CHL1: variants seen among roughly 807,000 people sequenced by gnomAD.
CHL1 encodes the protein neural cell adhesion molecule L1-like protein.
In CHL1, 96 loss-of-function variants were observed where a neutral mutation model predicts 141.9. That is an observed-to-expected ratio of 0.68 (90% CI 0.57 to 0.80). The LOEUF is 0.80. Ranked by LOEUF, CHL1 falls within the 30% of genes least tolerant of loss-of-function variation. The pLI is 0.00. For synonymous variants in CHL1, 613 were observed against 502.2 expected (o/e 1.22, Z -2.95); for missense variants, 1,820 against 1,457.2 (o/e 1.25, Z -4.05).
chr3:394,006 C>A (rs1164479474), intron 23 of CHL1, among the ~76,000 whole-genome samples: 1 of 152,122 alleles, frequency 6.6e-6, no homozygotes, highest in East Asian at 1.9e-4. Context: ...TGTATTTCAT[C>A]TCTTGGACTA....
chr3:393,100 G>A lies in CHL1; in HGVS notation c.2914+1303G>A, dbSNP rs1032417019. 3.3e-5 allele frequency among the ~76,000 whole-genome samples: 5 copies of A among 152,098 alleles called. No individual in the cohort carries two copies. The South Asian group carries it at 6.2e-4, about 19-fold the overall frequency. On this transcript the variant is annotated intron_variant, in intron 23 of 27. Transcript: ENST00000256509. ...TACAAAAAATTATCCAGGCGTGGTGGTGGGCCCCTGTAGTCCCAGCTACTC... is the reference window on the plus strand; with the variant it reads ...TACAAAAAATTATCCAGGCGTGGTGATGGGCCCCTGTAGTCCCAGCTACTC...
At chr3:238,043 A>G (rs945168531) in intron 1 of CHL1, among the ~76,000 whole-genome samples, 1 of 152,198 alleles carries the variant, frequency 6.6e-6, no homozygotes, top group Non-Finnish European at 1.5e-5. Flanking sequence ...ACATCATTTT[A>G]TGTTAGACAT....
chr3:314,584 C>G (rs1220095195), intron 2 of CHL1, among the ~76,000 whole-genome samples: 1 of 151,724 alleles, frequency 6.6e-6, no homozygotes, highest in Non-Finnish European at 1.5e-5. Flanking sequence ...CTGTGTTCAG[C>G]TGACAGGTTA....
chr3:368,997 C>A (rs555370263), intron 15 of CHL1, among the ~76,000 whole-genome samples: 1 of 152,286 alleles, frequency 6.6e-6, no homozygotes, highest in African/African-American at 2.4e-5. Context: ...GTTACTGTCG[C>A]CTTGTAGTGT....
intron 11 of CHL1, among the ~76,000 whole-genome samples, chr3:357,211 C>T (rs756991736): frequency 6.6e-6 from 1 of 152,220 alleles, no homozygotes; most frequent in Non-Finnish European, 1.5e-5. Flanking sequence ...GGCCCTGGCT[C>T]TACTTGTTGC....
Position 401,614 on chromosome 3 carries a change from T to C in CHL1, c.3386-12T>C, listed in dbSNP as rs764999781. On this transcript the variant is annotated splice_polypyrimidine_tract_variant and intron_variant, in intron 26 of 27. Transcript: ENST00000256509. ...ACTGTATTACTTTTCCCACTTTTTT[T>C]CTCTTTTTTAGTTAAAGAAAAGGAA... The C allele has an allele frequency of 6.5e-7, 1 of 1,529,250 alleles. No homozygotes were observed. The highest frequency in any genetic ancestry group is 1.8e-5 in the Admixed American group (1 of 56,694). The allele number at this position is 1,529,250 out of a possible 1,614,324, so 94.7% of individuals were successfully genotyped here.
chr3:369,349 C>G (rs983392109), intron 15 of CHL1, among the ~76,000 whole-genome samples: 5 of 151,496 alleles, frequency 3.3e-5, no homozygotes, highest in Non-Finnish European at 7.4e-5. Flanking sequence ...GTATTTGATT[C>G]TCTTTGTAGC....
rs371139008 is a variant in CHL1, at chr3:295,985, T to C, written c.-94-23698T>C. On this transcript the variant is annotated intron_variant, in intron 2 of 27. Transcript: ENST00000256509. ...TCTTCCTGAGGAAATTTGGGAACTA[T>C]AGTACAACTCCCTCTCAAAAAAAAA... Among the ~76,000 whole-genome samples, 16 of 152,068 alleles carry C rather than the reference T, an allele frequency of 1.1e-4. No individual in the cohort carries two copies. The East Asian group carries it at 2.9e-3, about 28-fold the overall frequency.
Position 382,634 on chromosome 3 carries a change from T to C in CHL1, c.2139T>C (p.Pro713=), listed in dbSNP as rs775847032. The change falls in exon 18 of 28, where the codon CCT becomes CCC. Residue 713 remains proline (P), a synonymous_variant. Coordinates refer to ENST00000256509, the MANE Select transcript of CHL1 (RefSeq NM_006614.4). The part of the protein sequence containing the change: ...IAVNEVGRSQ[P]SQPSDHHETP... Reference sequence around the variant, plus strand: ...TGAACGAAGTAGGGAGAAGTCAGCCTAGCCAGCCGTCAGACCATCATGAAA... The same window carrying C: ...TGAACGAAGTAGGGAGAAGTCAGCCCAGCCAGCCGTCAGACCATCATGAAA... 10 of 1,613,724 alleles carry C rather than the reference T, an allele frequency of 6.2e-6. No individual in the cohort carries two copies. Among genetic ancestry groups the C allele is most frequent in the Non-Finnish European group, 7.6e-6 (9 of 1,179,804 alleles).
intron 1 of CHL1, among the ~76,000 whole-genome samples, chr3:205,377 G>A (rs1428262467): frequency 6.6e-6 from 1 of 152,092 alleles, no homozygotes; most frequent in African/African-American, 2.4e-5. Context: ...CCCTCTCAAA[G>A]TACTGGGATT....
intron 5 of CHL1, among the ~76,000 whole-genome samples, chr3:330,774 T>G (rs1701376145): frequency 6.6e-6 from 1 of 152,154 alleles, no homozygotes; most frequent in South Asian, 2.1e-4. Flanking sequence ...CAGTAGAAAT[T>G]ATTAAAGAAT....
At chr3:290,868 A>C (rs1202133154) in intron 2 of CHL1, among the ~76,000 whole-genome samples, 10 of 151,456 alleles carry the variant, frequency 6.6e-5, no homozygotes, top group South Asian at 2.1e-4. Flanking sequence ...CCCGGGAGAC[A>C]GAGGTTGTGG....
At chr3:397,612 T>G (rs936815811) in intron 24 of CHL1, among the ~76,000 whole-genome samples, 1 of 152,146 alleles carries the variant, frequency 6.6e-6, no homozygotes, top group African/African-American at 2.4e-5. Context: ...TACTATGAGA[T>G]TCTACTATTA....
At chr3:270,366 T>G (rs1157689414) in intron 2 of CHL1, among the ~76,000 whole-genome samples, 1 of 152,170 alleles carries the variant, frequency 6.6e-6, no homozygotes, top group Non-Finnish European at 1.5e-5. Flanking sequence ...TTTCCTGAAT[T>G]TAAACCCTGG....
intron 10 of CHL1, among the ~76,000 whole-genome samples, chr3:350,609 G>GAAAA (rs5845965): frequency 1.3e-5 from 2 of 148,180 alleles, no homozygotes; most frequent in Non-Finnish European, 1.5e-5. Flanking sequence ...TAAATTAATG[G>GAAAA]AAAAAAAAAA....
At chr3:308,349 T>G (rs1467932583) in intron 2 of CHL1, among the ~76,000 whole-genome samples, 1 of 152,054 alleles carries the variant, frequency 6.6e-6, no homozygotes, top group Non-Finnish European at 1.5e-5. Flanking sequence ...AAATGTACAG[T>G]CTCCTACAAA....
At chr3:404,282 T>A (rs750208145) in intron 27 of CHL1, among the ~76,000 whole-genome samples, 1 of 152,164 alleles carries the variant, frequency 6.6e-6, no homozygotes, top group African/African-American at 2.4e-5. Flanking sequence ...GGCAAAGAAG[T>A]GCCATCCTGC....
chr3:346,837 A>C (rs1702810785), intron 9 of CHL1, among the ~76,000 whole-genome samples: 1 of 152,138 alleles, frequency 6.6e-6, no homozygotes, highest in Admixed American at 6.5e-5. Flanking sequence ...ATAGTAACAA[A>C]AATAATTATA....
intron 1 of CHL1, among the ~76,000 whole-genome samples, chr3:219,904 T>A (rs1021431095): frequency 3.9e-5 from 6 of 152,164 alleles, no homozygotes; most frequent in African/African-American, 1.4e-4. Context: ...CATACTAAGA[T>A]AGACAACCTC....
Sources: gnomAD v4.1 joint callset for allele counts (sites outside exome capture counted in the v4.1 genomes callset) on GRCh38, gnomAD v4.1.1 for gene constraint, MANE v1.5 for transcripts, NCBI Gene and HGNC (gene_info 2026-07-23, HGNC 2026-07-21) for gene names.